PCDH11Y: variants seen among roughly 807,000 people sequenced by gnomAD.
PCDH11Y encodes protocadherin-11 Y-linked.
For missense variants in PCDH11Y, 12 were observed against 224.8 expected, an observed-to-expected ratio of 0.05 and a Z score of 6.05; for synonymous variants, 9 against 83.6, an observed-to-expected ratio of 0.11 and a Z score of 4.87.
intron 4 of PCDH11Y, among the ~76,000 whole-genome samples, chrY:5,642,699 T>C: frequency 3.0e-5 from 1 of 33,624 alleles, no homozygotes; most frequent in Non-Finnish European, 7.4e-5. Context: ...TGAATGATGA[T>C]TGAAATTTGA....
intron 2 of PCDH11Y, among the ~76,000 whole-genome samples, chrY:5,150,155 T>C: frequency 3.0e-5 from 1 of 32,837 alleles, no homozygotes; most frequent in Admixed American, 2.8e-4. Flanking sequence ...TTGCAAATAT[T>C]ATATTTTTTG....
At chrY:5,445,377 G>A in intron 2 of PCDH11Y, among the ~76,000 whole-genome samples, 3 of 31,673 alleles carry the variant, frequency 9.5e-5, no homozygotes, top group Non-Finnish European at 1.6e-4. Flanking sequence ...TATCATTCAT[G>A]AGCTGATTTT....
At chrY:5,290,453 G>T in intron 2 of PCDH11Y, among the ~76,000 whole-genome samples, 1 of 31,389 alleles carries the variant, frequency 3.2e-5, no homozygotes, top group Non-Finnish European at 7.7e-5. Context: ...TTTTTAACTT[G>T]ATGTGATTCC....
chrY:5,459,641 T>C, intron 2 of PCDH11Y, among the ~76,000 whole-genome samples: 2 of 32,735 alleles, frequency 6.1e-5, no homozygotes, highest in South Asian at 1.4e-3. Context: ...ATCAGAATAT[T>C]AGTAAATGTC....
chrY:5,094,681 T>G, intron 1 of PCDH11Y, among the ~76,000 whole-genome samples: 1 of 31,235 alleles, frequency 3.2e-5, no homozygotes, highest in African/African-American at 1.2e-4. Context: ...ACGTAGTAGC[T>G]ACTGGCCACA....
At chrY:5,044,967 G>A in intron 3 of PCDH11Y, among the ~76,000 whole-genome samples, 2 of 32,861 alleles carry the variant, frequency 6.1e-5, no homozygotes, top group Non-Finnish European at 1.5e-4. Context: ...TGGCTTGGTA[G>A]ATTTTCCTCT....
At chrY:5,552,371 G>T (rs2053419396) in intron 3 of PCDH11Y, among the ~76,000 whole-genome samples, 1 of 32,941 alleles carries the variant, frequency 3.0e-5, no homozygotes, top group Non-Finnish European at 7.5e-5. Flanking sequence ...ACCTCTGAAG[G>T]TAAGAACACC....
At chrY:5,616,586 C>A (rs2124701651) in intron 4 of PCDH11Y, among the ~76,000 whole-genome samples, 2 of 32,959 alleles carry the variant, frequency 6.1e-5, no homozygotes, top group South Asian at 1.3e-3. Flanking sequence ...TTGTTTCTAT[C>A]ATAACATTCA....
intron 2 of PCDH11Y, among the ~76,000 whole-genome samples, chrY:5,272,439 A>T: frequency 3.1e-5 from 1 of 31,782 alleles, no homozygotes; most frequent in African/African-American, 1.2e-4. Context: ...TGAATTGTCA[A>T]AATCAAAGTA....
intron 2 of PCDH11Y, among the ~76,000 whole-genome samples, chrY:5,457,617 C>T: frequency 6.1e-5 from 2 of 32,649 alleles, no homozygotes; most frequent in African/African-American, 2.4e-4. Context: ...TTCAGAATTA[C>T]CCATATTGGA....
At chrY:5,480,997 G>A in intron 2 of PCDH11Y, among the ~76,000 whole-genome samples, 1 of 33,141 alleles carries the variant, frequency 3.0e-5, no homozygotes, top group Non-Finnish European at 7.4e-5. Flanking sequence ...GTGGGAGTGG[G>A]ATCTGCTGAG....
intron 2 of PCDH11Y, among the ~76,000 whole-genome samples, chrY:5,380,578 ATTTTTTT>A (rs779039478): frequency 2.6e-4 from 5 of 19,125 alleles, no homozygotes; most frequent in Non-Finnish European, 5.8e-4. Context: ...CTTCAATAGC[ATTTTTTT>A]TTTTTTTTTT....
intron 2 of PCDH11Y, among the ~76,000 whole-genome samples, chrY:5,400,485 G>A (rs2053231898): frequency 3.0e-5 from 1 of 33,763 alleles, no homozygotes; most frequent in Admixed American, 2.7e-4. Context: ...GCTTTATCAC[G>A]CCTACGTAAT....
At chrY:5,396,896 AC>A (rs2053227926) in intron 2 of PCDH11Y, among the ~76,000 whole-genome samples, 1 of 31,575 alleles carries the variant, frequency 3.2e-5, no homozygotes, top group South Asian at 7.5e-4. Flanking sequence ...AGCTGGGATT[AC>A]AGGCATGTGC....
chrY:5,493,754 A>G (rs2053341097), intron 2 of PCDH11Y, among the ~76,000 whole-genome samples: 1 of 33,615 alleles, frequency 3.0e-5, no homozygotes, highest in African/African-American at 1.2e-4. Flanking sequence ...TTATGTAGCT[A>G]AAGGCATATC....
At chrY:5,049,317 C>T (rs2052647619) in intron 3 of PCDH11Y, among the ~76,000 whole-genome samples, 1 of 29,190 alleles carries the variant, frequency 3.4e-5, no homozygotes, top group East Asian at 9.2e-4. Flanking sequence ...TAATGTGATG[C>T]CTCATGTTTC....
intron 4 of PCDH11Y, among the ~76,000 whole-genome samples, chrY:5,646,301 C>G (rs1602955921): frequency 6.2e-5 from 2 of 32,457 alleles, no homozygotes; most frequent in Admixed American, 5.7e-4. Context: ...ATCAATTGAA[C>G]TCAGGAAGGT....
At chrY:5,362,915 G>A in intron 2 of PCDH11Y, among the ~76,000 whole-genome samples, 1 of 31,442 alleles carries the variant, frequency 3.2e-5, no homozygotes, top group Admixed American at 3.0e-4. Flanking sequence ...TTTTTTTAAT[G>A]GTATGTTATG....
chrY:5,044,494 G>C, intron 3 of PCDH11Y, among the ~76,000 whole-genome samples: 1 of 32,998 alleles, frequency 3.0e-5, no homozygotes, highest in Non-Finnish European at 7.4e-5. Context: ...TATAATTTGT[G>C]TTCTTTTACA....
Sources: allele counts gnomAD v4.1 joint callset (sites outside exome capture counted in the v4.1 genomes callset), GRCh38; gene constraint gnomAD v4.1.1; transcripts MANE v1.5; gene names NCBI Gene and HGNC (gene_info 2026-07-23, HGNC 2026-07-21).